FBXL17: variants seen among roughly 807,000 people sequenced by gnomAD.
FBXL17 encodes F-box and leucine rich repeat protein 17, also known as F-box/LRR-repeat protein 17.
FBXL17 carries 22 observed loss-of-function variants against 66.2 expected under a neutral mutation model. That is an observed-to-expected ratio of 0.33 (90% CI 0.24 to 0.47). The LOEUF is 0.47. Among genes scored for constraint, FBXL17 ranks in the 20% least tolerant of loss-of-function variants. The probability of loss-of-function intolerance (pLI) is 1.00; values close to 1 mark genes in which losing one functional copy is unlikely to be tolerated. For missense variants in FBXL17, 878 were observed against 948.2 expected, an observed-to-expected ratio of 0.93 and a Z score of 0.97; for synonymous variants, 474 against 400.5, an observed-to-expected ratio of 1.18 and a Z score of -2.19.
chr5:107,890,286 G>A (rs953608944), intron 7 of FBXL17, among the ~76,000 whole-genome samples: 46 of 151,670 alleles, frequency 3.0e-4, no homozygotes, highest in African/African-American at 1.1e-3. Flanking sequence ...CATCTGCCTT[G>A]TCCAACTCCC....
chr5:107,933,859 TG>T (rs1750809855), intron 7 of FBXL17, among the ~76,000 whole-genome samples: 3 of 152,110 alleles, frequency 2.0e-5, no homozygotes. Context: ...AGATAGGGAT[TG>T]GGGAAGGGAA....
At chr5:108,252,059 T>C (rs1184629010) in intron 4 of FBXL17, among the ~76,000 whole-genome samples, 3 of 152,080 alleles carry the variant, frequency 2.0e-5, no homozygotes, top group Non-Finnish European at 4.4e-5. Flanking sequence ...TGCAGATATG[T>C]GTGTACTTAG....
At chr5:108,336,634 T>A (rs11746148) in intron 4 of FBXL17, among the ~76,000 whole-genome samples, 22 of 152,180 alleles carry the variant, frequency 1.4e-4, no homozygotes, top group Non-Finnish European at 2.6e-4. Flanking sequence ...AATAACTCAG[T>A]AAATAAAAAT....
chr5:108,082,449 C>T (rs1341964355), intron 6 of FBXL17, among the ~76,000 whole-genome samples: 1 of 152,168 alleles, frequency 6.6e-6, no homozygotes, highest in Non-Finnish European at 1.5e-5. Flanking sequence ...ATATCAAGTG[C>T]TCAATATATG....
Position 107,988,284 on chromosome 5 carries a change from C to T in FBXL17, c.1822+32641G>A, listed in dbSNP as rs76893686. Among the ~76,000 whole-genome samples, 56 of 152,014 alleles carry T rather than the reference C, an allele frequency of 3.7e-4. No individual in the cohort carries two copies. The East Asian group carries it at 6.6e-3, about 18-fold the overall frequency. On this transcript the variant is annotated intron_variant, in intron 7 of 8. Transcript: ENST00000542267. ...CAAGATATCTCCTTTCAATTCATTA[C>T]CACTTTTTTTCTACTGCAGAAACAG... is the stretch of plus-strand genomic sequence containing the variant.
chr5:108,371,151 C>T (rs1749013506), intron 1 of FBXL17, among the ~76,000 whole-genome samples: 1 of 152,154 alleles, frequency 6.6e-6, no homozygotes, highest in East Asian at 1.9e-4. Flanking sequence ...CCTTTCTTCC[C>T]CTTTTCTCTT....
chr5:108,158,937 A>G (rs1752103113), intron 6 of FBXL17, among the ~76,000 whole-genome samples: 1 of 152,148 alleles, frequency 6.6e-6, no homozygotes, highest in African/African-American at 2.4e-5. Context: ...AAGATACCAG[A>G]AGAGATAAAT....
intron 4 of FBXL17, among the ~76,000 whole-genome samples, chr5:108,251,885 T>C (rs543749250): frequency 6.6e-6 from 1 of 152,248 alleles, no homozygotes; most frequent in South Asian, 2.1e-4. Flanking sequence ...ACATATTCAT[T>C]GATACATGTA....
intron 7 of FBXL17, among the ~76,000 whole-genome samples, chr5:107,955,930 T>C (rs994652262): frequency 3.3e-5 from 5 of 152,174 alleles, no homozygotes; most frequent in African/African-American, 9.6e-5. Context: ...AAAAACATCT[T>C]TAGCGTTACT....
chr5:108,130,385 AG>A (rs1561424977), intron 6 of FBXL17, among the ~76,000 whole-genome samples: 1 of 152,030 alleles, frequency 6.6e-6, no homozygotes, highest in Non-Finnish European at 1.5e-5. Flanking sequence ...GATATTCAAA[AG>A]TATCTGGATA....
At chr5:107,886,702 AAAGT>A (rs2112510119) in intron 7 of FBXL17, among the ~76,000 whole-genome samples, 1 of 152,316 alleles carries the variant, frequency 6.6e-6, no homozygotes, top group East Asian at 1.9e-4. Context: ...TATAGTTCAT[AAAGT>A]AAGTATCCAC....
intron 4 of FBXL17, among the ~76,000 whole-genome samples, chr5:108,302,704 G>GCCACTGA (rs1223492686): frequency 4.6e-5 from 7 of 151,666 alleles, no homozygotes; most frequent in African/African-American, 1.7e-4. Flanking sequence ...AAAATGTTCA[G>GCCACTGA]CCACTGACAG....
intron 6 of FBXL17, among the ~76,000 whole-genome samples, chr5:108,163,399 CTTTTTTTTTTTTTTTTTTT>C (rs200410239): frequency 0.35 from 46,016 of 129,742 alleles, 8,317 homozygotes; most frequent in Middle Eastern, 0.48. Context: ...TTTTTTTTTT[CTTTTTTTTTTTTTTTTTTT>C]GAGACAGAGT....
At chr5:108,017,042 G>A (rs1379910095) in intron 7 of FBXL17, among the ~76,000 whole-genome samples, 1 of 152,114 alleles carries the variant, frequency 6.6e-6, no homozygotes, top group Non-Finnish European at 1.5e-5. Context: ...GCCTCCCAAA[G>A]TGCTGGGATT....
At chr5:108,170,618 C>G (rs1752572625) in intron 6 of FBXL17, among the ~76,000 whole-genome samples, 1 of 152,142 alleles carries the variant, frequency 6.6e-6, no homozygotes, top group Admixed American at 6.5e-5. Flanking sequence ...ACTGCAACTT[C>G]CGCTTCCCAG....
At chr5:108,239,583 G>A (rs1190369978) in intron 4 of FBXL17, among the ~76,000 whole-genome samples, 3 of 152,156 alleles carry the variant, frequency 2.0e-5, no homozygotes, top group Non-Finnish European at 4.4e-5. Context: ...TCCTACTGTG[G>A]GCTGAAGTGC....
intron 6 of FBXL17, among the ~76,000 whole-genome samples, chr5:108,075,399 T>C (rs1748504403): frequency 6.6e-6 from 1 of 152,230 alleles, no homozygotes; most frequent in African/African-American, 2.4e-5. Context: ...TTCTCTAAAA[T>C]TCCATAAGGG....
chr5:108,334,093 C>G (rs1760262686), intron 4 of FBXL17, among the ~76,000 whole-genome samples: 1 of 152,052 alleles, frequency 6.6e-6, no homozygotes, highest in Non-Finnish European at 1.5e-5. Context: ...ATAGTGATAA[C>G]AAAGTCAGAA....
intron 4 of FBXL17, among the ~76,000 whole-genome samples, chr5:108,291,456 T>C (rs1350848888): frequency 6.6e-6 from 1 of 152,200 alleles, no homozygotes; most frequent in African/African-American, 2.4e-5. Flanking sequence ...GAAATGAATC[T>C]CAAACAGTTG....
Sources: allele counts gnomAD v4.1 joint callset (sites outside exome capture counted in the v4.1 genomes callset), GRCh38; gene constraint gnomAD v4.1.1; transcripts MANE v1.5; gene names NCBI Gene and HGNC (gene_info 2026-07-23, HGNC 2026-07-21).